The following MYO10 variants were observed in gnomAD, a reference collection of about 807,000 sequenced individuals.
MYO10 encodes the protein myosin X, also known as unconventional myosin-X.
A neutral mutation model predicts 257.3 loss-of-function variants in MYO10; 133 were observed. The observed-to-expected ratio is 0.52, with a 90% CI of 0.45 to 0.60. The LOEUF (loss-of-function observed/expected upper bound fraction) is 0.60. Among genes scored for constraint, MYO10 ranks in the 20% least tolerant of loss-of-function variants. The pLI, the probability that MYO10 is intolerant of heterozygous loss-of-function variation, is 0.00. For synonymous variants in MYO10, 1,104 were observed against 1,028.6 expected, an observed-to-expected ratio of 1.07 and a Z score of -1.40; for missense variants, 2,399 against 2,635.7, an observed-to-expected ratio of 0.91 and a Z score of 1.97.
intron 21 of MYO10, among the ~76,000 whole-genome samples, chr5:16,705,434 T>C (rs1561197105): frequency 6.6e-6 from 1 of 152,236 alleles, no homozygotes; most frequent in African/African-American, 2.4e-5. Context: ...CACTTTGTAT[T>C]AGAATTCCTA....
intron 5 of MYO10, 108 bp downstream of exon 5, chr5:16,783,227 G>T: frequency 8.8e-7 from 1 of 1,138,800 alleles, no homozygotes; most frequent in Non-Finnish European, 1.2e-6. Flanking sequence ...TAAAAGAGAA[G>T]TCAAGAAAAA....
At chr5:16,682,769 G>C (rs1021345310) in intron 30 of MYO10, among the ~76,000 whole-genome samples, 6 of 151,974 alleles carry the variant, frequency 3.9e-5, no homozygotes, top group Non-Finnish European at 8.8e-5. Flanking sequence ...TATGCAAACA[G>C]GCTAAACTTG....
At chr5:16,720,440 T>A (rs1035390571) in intron 19 of MYO10, among the ~76,000 whole-genome samples, 5 of 151,756 alleles carry the variant, frequency 3.3e-5, no homozygotes, top group African/African-American at 9.7e-5. Context: ...TATTTTATTT[T>A]ATTTATTTTA....
intron 19 of MYO10, chr5:16,738,211 A>C: frequency 1.0e-6 from 1 of 985,342 alleles, no homozygotes; most frequent in Non-Finnish European, 1.2e-6. Flanking sequence ...GCAGAACCCG[A>C]GGCCATGCCT....
intron 26 of MYO10, 78 bp downstream of exon 26, chr5:16,699,372 C>A: frequency 1.3e-6 from 2 of 1,531,268 alleles, no homozygotes; most frequent in Non-Finnish European, 1.8e-6. Context: ...CGTTATTTCC[C>A]ACCGCCATCC....
chr5:16,704,460 G>A (rs1048850676), intron 22 of MYO10, 119 bp downstream of exon 22: 2 of 786,090 alleles, frequency 2.5e-6, no homozygotes, highest in African/African-American at 3.5e-5. Context: ...CTGCTTAGGA[G>A]GCCTGACCTG....
rs1380187557 is a variant in MYO10 at position 16,673,782 on chromosome 5, A to G, written c.5072T>C (p.Ile1691Thr). 4 of 1,613,696 alleles carry G rather than the reference A, an allele frequency of 2.5e-6. No homozygotes were observed. The highest frequency in any genetic ancestry group is 3.4e-6 in the Non-Finnish European group (4 of 1,179,860). ...TTCCTGCCTGTGGATCAGAGCTTCT[A>G]TTTCATCTCGGGAAGGCACAAACTC... is the stretch of plus-strand genomic sequence containing the variant. ...CREFVPSRDE[I>T]EALIHRQEMT... is the part of the protein sequence containing the mutation. The change falls in exon 36 of 41, where the codon ATA becomes ACA. Residue 1691 changes from isoleucine to threonine, a missense_variant. Physicochemically the swap from Ile to Thr is moderately conservative, Grantham distance 89. Around this residue, in one of 3 missense-constraint regions of MYO10, gnomAD observed 1,820 missense variants for 1,939.4 expected, o/e 0.94. Transcript: ENST00000513610.
intron 2 of MYO10, among the ~76,000 whole-genome samples, chr5:16,818,805 T>C (rs1465655730): frequency 6.6e-6 from 1 of 152,122 alleles, no homozygotes; most frequent in African/African-American, 2.4e-5. Context: ...CTAAAAGATA[T>C]TAGTTCAAGT....
At chr5:16,762,877 T>A (rs1235549934) in intron 14 of MYO10, among the ~76,000 whole-genome samples, 1 of 149,686 alleles carries the variant, frequency 6.7e-6, no homozygotes, top group Admixed American at 6.8e-5. Context: ...GGCAGGAGAA[T>A]CACTTGAACC....
chr5:16,842,224 A>G (rs1237612322), intron 2 of MYO10, among the ~76,000 whole-genome samples: 1 of 152,166 alleles, frequency 6.6e-6, no homozygotes, highest in Non-Finnish European at 1.5e-5. Context: ...TAGAAGTTGT[A>G]TGCTTGCCTG....
rs1736909322 is a variant in MYO10, at chr5:16,679,932, C to T, written c.4542+15G>A. ...AGCTGTAATCACCCACCTTGATGGG[C>T]TTGTCTTGGCTTACCTTGATATCTT... On this transcript the variant is annotated intron_variant, in intron 33 of 40. Transcript: ENST00000513610. 2 of 1,611,862 alleles carry T rather than the reference C, an allele frequency of 1.2e-6. No homozygotes were observed. Among genetic ancestry groups the T allele is most frequent in the Non-Finnish European group, 1.7e-6 (2 of 1,178,604 alleles).
intron 19 of MYO10, among the ~76,000 whole-genome samples, chr5:16,715,709 G>A (rs1738839132): frequency 6.6e-6 from 1 of 151,924 alleles, no homozygotes; most frequent in South Asian, 2.1e-4. Context: ...TTTAAATAAG[G>A]CAATTACATG....
intron 4 of MYO10, among the ~76,000 whole-genome samples, chr5:16,787,093 C>T (rs1268390543): frequency 6.6e-6 from 1 of 152,024 alleles, no homozygotes. Context: ...CACTTGAATC[C>T]GGGAGGCGGA....
chr5:16,774,002 T>C (rs1741138165), intron 9 of MYO10, among the ~76,000 whole-genome samples: 1 of 152,210 alleles, frequency 6.6e-6, no homozygotes, highest in African/African-American at 2.4e-5. Flanking sequence ...AGAGTCTCTA[T>C]TTATTGTTTC....
At chr5:16,684,759 TTGGA>T (rs1416673751) in intron 29 of MYO10, among the ~76,000 whole-genome samples, 1 of 152,166 alleles carries the variant, frequency 6.6e-6, no homozygotes, top group Non-Finnish European at 1.5e-5. Context: ...AGAATACAAT[TTGGA>T]TTTCGGCCCA....
chr5:16,871,528 G>T (rs980384010), intron 2 of MYO10, among the ~76,000 whole-genome samples: 15 of 152,068 alleles, frequency 9.9e-5, no homozygotes, highest in African/African-American at 3.6e-4. Context: ...GATCACTTGA[G>T]CCCAGGAAGT....
Position 16,769,180 on chromosome 5 carries a change from G to T in MYO10, c.954C>A (p.Phe318Leu). 1 of 1,610,776 alleles carries T rather than the reference G, an allele frequency of 6.2e-7. No individual in the cohort carries two copies. The highest frequency in any genetic ancestry group is 8.5e-7 in the Non-Finnish European group (1 of 1,178,748). The change falls in exon 10 of 41, where the codon TTC (phenylalanine) becomes TTA (leucine). Residue 318 changes from phenylalanine to leucine, a missense_variant. Physicochemically the swap from Phe to Leu is conservative, Grantham distance 22. This residue lies in a region of MYO10 where 337 missense variants were observed against 446.8 expected (regional missense o/e 0.75). Transcript: ENST00000513610. ...ACACTTCCCGAACTTCCTCCTTGCT[G>T]AACTGCATCACGTCCATTGCCGTCT... ...EVITAMDVMQ[F>L]SKEEVREVSR...
intron 3 of MYO10, among the ~76,000 whole-genome samples, chr5:16,796,780 A>C (rs1741985099): frequency 6.6e-6 from 1 of 152,200 alleles, no homozygotes; most frequent in Non-Finnish European, 1.5e-5. Flanking sequence ...CCTTCTCCCC[A>C]AATTCACATG....
intron 25 of MYO10, 165 bp from the exon 26 acceptor site, chr5:16,699,738 G>C (rs1183251986): frequency 3.7e-6 from 2 of 538,392 alleles, no homozygotes; most frequent in Non-Finnish European, 6.0e-6. Context: ...ACTGAGCAGA[G>C]ATCGTGCCAC....
Sources: allele counts gnomAD v4.1 joint callset (sites outside exome capture counted in the v4.1 genomes callset), GRCh38; gene constraint gnomAD v4.1.1; regional missense constraint gnomAD v4.1.1; transcripts MANE v1.5; gene names NCBI Gene and HGNC (gene_info 2026-07-23, HGNC 2026-07-21).